Variants in DRC8 observed in about 807,000 individuals in gnomAD.
The protein encoded by DRC8 is dynein regulatory complex subunit 8.
chr1:244,975,495 AT>A, the DRC8 span, among the ~76,000 whole-genome samples: 7 of 152,182 alleles, frequency 4.6e-5, no homozygotes, highest in Non-Finnish European at 8.8e-5. Flanking sequence ...TACCCCCAAT[AT>A]TTCATAATGT....
chr1:245,112,058 G>A, the DRC8 span, among the ~76,000 whole-genome samples: 3 of 151,304 alleles, frequency 2.0e-5, no homozygotes, highest in Non-Finnish European at 4.4e-5. Context: ...TCTGGAAGAC[G>A]TTATTATTTG....
chr1:244,989,632 C>A, the DRC8 span, among the ~76,000 whole-genome samples: 1 of 152,152 alleles, frequency 6.6e-6, no homozygotes, highest in Admixed American at 6.5e-5. Context: ...TGTCTGGTTT[C>A]TCCACTGTGG....
At chr1:244,982,090 ACT>A in the DRC8 span, among the ~76,000 whole-genome samples, 1 of 152,050 alleles carries the variant, frequency 6.6e-6, no homozygotes, top group Non-Finnish European at 1.5e-5. Flanking sequence ...CAAGGTGGAG[ACT>A]CTATTTAAGG....
At chr1:245,065,360 C>G in the DRC8 span, among the ~76,000 whole-genome samples, 1 of 152,014 alleles carries the variant, frequency 6.6e-6, no homozygotes, top group Admixed American at 6.6e-5. Flanking sequence ...GCCTAATATT[C>G]TTATTTTTCA....
At chr1:245,106,975 C>T in the DRC8 span, among the ~76,000 whole-genome samples, 1 of 152,088 alleles carries the variant, frequency 6.6e-6, no homozygotes, top group Non-Finnish European at 1.5e-5. Context: ...ACCCGGGAGG[C>T]GGAGGTTGCA....
chr1:244,996,675 A>G, the DRC8 span, among the ~76,000 whole-genome samples: 21 of 152,348 alleles, frequency 1.4e-4, no homozygotes, highest in Admixed American at 1.3e-3. Context: ...TAGCCTGGGA[A>G]TAAACGCTTG....
At chr1:245,013,585 C>T in the DRC8 span, among the ~76,000 whole-genome samples, 1 of 151,964 alleles carries the variant, frequency 6.6e-6, no homozygotes. Context: ...TAAACATCCA[C>T]AATTGGAGGG....
the DRC8 span, among the ~76,000 whole-genome samples, chr1:245,094,676 A>G: frequency 6.6e-6 from 1 of 152,170 alleles, no homozygotes; most frequent in South Asian, 2.1e-4. Flanking sequence ...GGGGCACCTC[A>G]CTGTGAGATG....
chr1:245,110,972 G>T, the DRC8 span, among the ~76,000 whole-genome samples: 1 of 151,676 alleles, frequency 6.6e-6, no homozygotes, highest in Non-Finnish European at 1.5e-5. Context: ...TGTCAGCTAT[G>T]GTATACCAGC....
the DRC8 span, among the ~76,000 whole-genome samples, chr1:245,058,244 A>T: frequency 6.6e-6 from 1 of 151,734 alleles, no homozygotes; most frequent in Admixed American, 6.6e-5. Flanking sequence ...CCCTTTCTAA[A>T]AATAATAATA....
chr1:245,041,188 A>G, the DRC8 span, among the ~76,000 whole-genome samples: 1 of 152,140 alleles, frequency 6.6e-6, no homozygotes, highest in South Asian at 2.1e-4. Flanking sequence ...GGCCCTTTGA[A>G]GGGGAAAGGA....
chr1:245,014,026 C>G, the DRC8 span, among the ~76,000 whole-genome samples: 1 of 55,268 alleles, frequency 1.8e-5, no homozygotes, highest in African/African-American at 9.0e-5. Context: ...GGCAAGACTC[C>G]ATCTCAAAAA....
chr1:245,092,148 T>C, the DRC8 span, among the ~76,000 whole-genome samples: 2 of 152,176 alleles, frequency 1.3e-5, no homozygotes, highest in African/African-American at 4.8e-5. Context: ...TGCACCTCTG[T>C]CTGTAAAATA....
the DRC8 span, among the ~76,000 whole-genome samples, chr1:245,078,140 A>G: frequency 2.0e-5 from 3 of 152,216 alleles, no homozygotes; most frequent in African/African-American, 4.8e-5. Flanking sequence ...CAAAACCACA[A>G]TGGGATGTCA....
chr1:245,124,748 A>AC, the DRC8 span: 2 of 150,790 alleles, frequency 1.3e-5, no homozygotes, highest in Non-Finnish European at 3.0e-5. Flanking sequence ...CAGTTTGAAG[A>AC]CCCCCACAGA....
the DRC8 span, chr1:245,087,220 A>T: frequency 1.3e-6 from 2 of 1,599,564 alleles, no homozygotes; most frequent in East Asian, 4.5e-5. Context: ...CCTAAATGAT[A>T]AATTTTCCTT....
At chr1:245,032,105 C>G in the DRC8 span, among the ~76,000 whole-genome samples, 3 of 152,118 alleles carry the variant, frequency 2.0e-5, no homozygotes, top group East Asian at 5.8e-4. Flanking sequence ...AACAAAACTT[C>G]ATCCATTTCA....
chr1:245,044,034 C>G, the DRC8 span: 1 of 152,186 alleles, frequency 6.6e-6, no homozygotes, highest in Non-Finnish European at 1.5e-5. Flanking sequence ...CATATTTTTT[C>G]AGGTTATTCT....
At chr1:245,112,126 G>A in the DRC8 span, among the ~76,000 whole-genome samples, 1 of 152,198 alleles carries the variant, frequency 6.6e-6, no homozygotes. Flanking sequence ...CCAGGCTGGC[G>A]TGCAATGGCA....
Sources: gnomAD v4.1 joint callset for allele counts (sites outside exome capture counted in the v4.1 genomes callset) on GRCh38, gnomAD v4.1.1 for gene constraint, MANE v1.5 for transcripts, NCBI Gene and HGNC (gene_info 2026-07-23, HGNC 2026-07-21) for gene names.